Variants in PTPRD observed in about 807,000 individuals in gnomAD.
PTPRD encodes receptor-type tyrosine-protein phosphatase delta.
In PTPRD, 34 loss-of-function variants were observed where a neutral mutation model predicts 214.5. The observed-to-expected ratio is 0.16, with a 90% CI of 0.12 to 0.21. PTPRD has a LOEUF of 0.21. PTPRD is among the 10% of genes least tolerant of loss of function. The probability of loss-of-function intolerance (pLI) is 1.00; values close to 1 mark genes in which losing one functional copy is unlikely to be tolerated. For missense variants in PTPRD, 2,545 were observed against 2,398.7 expected (o/e 1.06, Z -1.27); for synonymous variants, 1,128 against 845.7 (o/e 1.33, Z -5.79).
intron 8 of PTPRD, among the ~76,000 whole-genome samples, chr9:9,486,920 C>T (rs1229242353): frequency 6.6e-6 from 1 of 152,154 alleles, no homozygotes; most frequent in Non-Finnish European, 1.5e-5. Flanking sequence ...TTCACCCGCT[C>T]TTATCACCGT....
At chr9:9,700,360 C>T (rs1474407692) in intron 7 of PTPRD, among the ~76,000 whole-genome samples, 1 of 152,050 alleles carries the variant, frequency 6.6e-6, no homozygotes, top group Non-Finnish European at 1.5e-5. Flanking sequence ...CAATGAACAA[C>T]AGCAATATAC....
intron 7 of PTPRD, among the ~76,000 whole-genome samples, chr9:9,688,779 G>A (rs2097210395): frequency 6.6e-6 from 1 of 151,684 alleles, no homozygotes. Context: ...ACCTTCTTCT[G>A]CAGGTTTTTC....
At chr9:10,276,177 G>A (rs972337739) in intron 3 of PTPRD, among the ~76,000 whole-genome samples, 1 of 152,148 alleles carries the variant, frequency 6.6e-6, no homozygotes, top group Non-Finnish European at 1.5e-5. Context: ...AATAATTTTT[G>A]TAGAGGATCT....
chr9:9,671,090 C>G (rs1472738256), intron 7 of PTPRD, among the ~76,000 whole-genome samples: 3 of 152,130 alleles, frequency 2.0e-5, no homozygotes, highest in Admixed American at 6.5e-5. Context: ...ATGAAAGCAG[C>G]TGGGAGGGAA....
intron 39 of PTPRD, among the ~76,000 whole-genome samples, chr9:8,348,512 CAA>C (rs1313057256): frequency 6.6e-6 from 1 of 152,062 alleles, no homozygotes; most frequent in Non-Finnish European, 1.5e-5. Context: ...TGTCCTTTGA[CAA>C]AGTCATAGGC....
chr9:10,305,006 C>A (rs557120348), intron 3 of PTPRD, among the ~76,000 whole-genome samples: 1 of 152,250 alleles, frequency 6.6e-6, no homozygotes, highest in East Asian at 1.9e-4. Context: ...TGACTTCAAA[C>A]TATACTACAA....
chr9:8,454,284 C>G (rs1339437967), intron 33 of PTPRD, among the ~76,000 whole-genome samples: 5 of 152,200 alleles, frequency 3.3e-5, no homozygotes, highest in Non-Finnish European at 1.5e-5. Context: ...GTAAACACAT[C>G]AACACACACA....
chr9:8,722,176 A>AAG (rs995134143), intron 12 of PTPRD, among the ~76,000 whole-genome samples: 1 of 139,140 alleles, frequency 7.2e-6, no homozygotes, highest in Non-Finnish European at 1.6e-5. Context: ...TACAGAGAGA[A>AAG]AGAACAGAAT....
chr9:8,563,406 G>A (rs2087303223), intron 14 of PTPRD, among the ~76,000 whole-genome samples: 1 of 150,632 alleles, frequency 6.6e-6, no homozygotes, highest in Non-Finnish European at 1.5e-5. Flanking sequence ...ATATACAGAT[G>A]GTCTCCTACT....
intron 35 of PTPRD, among the ~76,000 whole-genome samples, chr9:8,421,775 C>G (rs1009609933): frequency 3.3e-5 from 5 of 151,986 alleles, no homozygotes; most frequent in African/African-American, 1.2e-4. Flanking sequence ...AAAAAAAGCC[C>G]AGTGGTCTTC....
Position 9,830,313 on chromosome 9 carries a change from T to G in PTPRD, c.-367-63462A>C, listed in dbSNP as rs142768261. ...TCATGGCCACATCCCATTTTTTATT[T>G]GCCTTTTTATTTGTTTTCATTTCAT... On this transcript the variant is annotated intron_variant, in intron 5 of 45. Coordinates refer to ENST00000381196, the MANE Select transcript of PTPRD (RefSeq NM_002839.4). 4.0e-3 allele frequency among the ~76,000 whole-genome samples: 612 copies of G among 151,956 alleles called. 3 individuals carry two copies. The highest frequency in any genetic ancestry group is 0.013 in the African/African-American group (552 of 41,506).
intron 3 of PTPRD, among the ~76,000 whole-genome samples, chr9:10,195,830 G>C: frequency 6.6e-6 from 1 of 152,200 alleles, no homozygotes; most frequent in East Asian, 1.9e-4. Flanking sequence ...AATAAAAAGA[G>C]ACAAACTTGA....
chr9:10,071,841 T>C (rs972825147), intron 3 of PTPRD, among the ~76,000 whole-genome samples: 2 of 151,992 alleles, frequency 1.3e-5, no homozygotes, highest in Non-Finnish European at 2.9e-5. Flanking sequence ...TTGACAATTA[T>C]GAGAATTATA....
At chr9:9,641,916 G>C (rs768741376) in intron 7 of PTPRD, among the ~76,000 whole-genome samples, 5 of 152,066 alleles carry the variant, frequency 3.3e-5, no homozygotes, top group African/African-American at 4.8e-5. Flanking sequence ...TCAGACCTTA[G>C]CTATAGATTA....
chr9:8,321,259 T>A (rs1341325737), intron 44 of PTPRD, among the ~76,000 whole-genome samples: 1 of 151,628 alleles, frequency 6.6e-6, no homozygotes, highest in Non-Finnish European at 1.5e-5. Flanking sequence ...CTTGCCAGAG[T>A]CTATCTTACC....
chr9:9,511,149 C>T (rs1306492374), intron 8 of PTPRD, among the ~76,000 whole-genome samples: 1 of 151,602 alleles, frequency 6.6e-6, no homozygotes, highest in Non-Finnish European at 1.5e-5. Context: ...TAAGGTTGGA[C>T]TTTGTTGTAT....
intron 3 of PTPRD, among the ~76,000 whole-genome samples, chr9:10,153,100 T>C (rs945423392): frequency 6.6e-6 from 1 of 152,164 alleles, no homozygotes; most frequent in African/African-American, 2.4e-5. Flanking sequence ...TTTTACATCA[T>C]GGAAACTATA....
Position 9,265,459 on chromosome 9 carries a change from G to C in PTPRD, c.-202-82096C>G, listed in dbSNP as rs1938939581. On this transcript the variant is annotated intron_variant, in intron 9 of 45. Transcript: ENST00000381196. ...TTTTTTTGTAGATATGGGTCTTGCT[G>C]TGTTGCCCAGGCTAGTCTAAAACTC... is the stretch of plus-strand genomic sequence containing the variant. 2.0e-5 allele frequency among the ~76,000 whole-genome samples: 3 copies of C among 151,388 alleles called. 1 individual carries two copies. The Middle Eastern group carries it at 0.01, about 515-fold the overall frequency.
chr9:8,938,485 T>C (rs1245010455), intron 11 of PTPRD, among the ~76,000 whole-genome samples: 1 of 152,162 alleles, frequency 6.6e-6, no homozygotes, highest in Non-Finnish European at 1.5e-5. Context: ...TGAGCATCTT[T>C]GAGCTTGTCA....
Sources: allele counts gnomAD v4.1 joint callset (sites outside exome capture counted in the v4.1 genomes callset), GRCh38; gene constraint gnomAD v4.1.1; transcripts MANE v1.5; gene names NCBI Gene and HGNC (gene_info 2026-07-23, HGNC 2026-07-21).